Variants in SLC24A2 observed in about 807,000 individuals in gnomAD.
SLC24A2 encodes sodium/potassium/calcium exchanger 2.
A neutral mutation model predicts 62.0 loss-of-function variants in SLC24A2; 36 were observed. The observed-to-expected ratio is 0.58, with a 90% confidence interval of 0.44 to 0.77. The LOEUF is 0.77. Among genes scored for constraint, SLC24A2 ranks in the 30% least tolerant of loss-of-function variants. The probability of loss-of-function intolerance (pLI) is 0.00; values close to 1 mark genes in which losing one functional copy is unlikely to be tolerated. For synonymous variants in SLC24A2, 358 were observed against 294.0 expected (o/e 1.22, Z -2.23); for missense variants, 846 against 817.9 (o/e 1.03, Z -0.42).
chr9:20,101,670 C>A, the SLC24A2 span, among the ~76,000 whole-genome samples: 4 of 152,080 alleles, frequency 2.6e-5, no homozygotes, highest in African/African-American at 9.7e-5. Context: ...GAGACCTGAC[C>A]TTTCCCTTTG....
At chr9:19,560,879 T>TTG (rs779469797) in intron 7 of SLC24A2, among the ~76,000 whole-genome samples, 42,120 of 136,002 alleles carry the variant, frequency 0.31, 6,686 homozygotes, top group South Asian at 0.48. Flanking sequence ...GTCTTTGCAT[T>TTG]TGTGTGTGTG....
chr9:20,102,932 CCCTTTCCTAGTCAAAGAAAGGGGTGA>C, the SLC24A2 span, among the ~76,000 whole-genome samples: 23 of 152,286 alleles, frequency 1.5e-4, no homozygotes, highest in Middle Eastern at 3.4e-3. Flanking sequence ...TCAGGGAGTT[CCCTTTCCTAGTCAAAGAAAGGGGTGA>C]CAGACGGTAC....
chr9:20,126,848 G>A, the SLC24A2 span, among the ~76,000 whole-genome samples: 2 of 152,120 alleles, frequency 1.3e-5, no homozygotes, highest in Non-Finnish European at 2.9e-5. Flanking sequence ...CCAGAGGCAG[G>A]GAATTTTATT....
At chr9:20,172,785 A>G in the SLC24A2 span, among the ~76,000 whole-genome samples, 1 of 152,094 alleles carries the variant, frequency 6.6e-6, no homozygotes, top group Non-Finnish European at 1.5e-5. Context: ...AAGAATTGGT[A>G]CCAATCCTAT....
the SLC24A2 span, among the ~76,000 whole-genome samples, chr9:19,809,000 C>CT: frequency 1.3e-5 from 2 of 152,208 alleles, no homozygotes; most frequent in Non-Finnish European, 2.9e-5. This position sits in a 1 kb window ranked among gnomAD's most constrained non-coding sequence, Gnocchi z 4.1. Flanking sequence ...GGGCCCCAAT[C>CT]TCCAAAGATT....
At chr9:20,243,746 G>T in the SLC24A2 span, among the ~76,000 whole-genome samples, 2 of 152,106 alleles carry the variant, frequency 1.3e-5, no homozygotes, top group East Asian at 3.9e-4. Context: ...TGTGGTCAAT[G>T]GGGGTGATGC....
At chr9:19,592,803 G>A (rs1396101293) in intron 5 of SLC24A2, among the ~76,000 whole-genome samples, 3 of 152,176 alleles carry the variant, frequency 2.0e-5, no homozygotes, top group Non-Finnish European at 4.4e-5. Context: ...TGAGAAATAA[G>A]CTATGCATTA....
At chr9:19,608,172 G>T (rs1837044136) in intron 4 of SLC24A2, among the ~76,000 whole-genome samples, 1 of 152,112 alleles carries the variant, frequency 6.6e-6, no homozygotes, top group Non-Finnish European at 1.5e-5. Context: ...CAAACATCTT[G>T]GTAGTATAAG....
At chr9:19,590,544 C>A (rs896886590) in intron 5 of SLC24A2, among the ~76,000 whole-genome samples, 4 of 152,170 alleles carry the variant, frequency 2.6e-5, no homozygotes, top group Admixed American at 1.3e-4. Context: ...AATAACCACC[C>A]CTTCTACCCA....
the SLC24A2 span, among the ~76,000 whole-genome samples, chr9:20,096,521 C>G: frequency 6.6e-6 from 1 of 152,102 alleles, no homozygotes; most frequent in East Asian, 1.9e-4. Context: ...ATATTTTATA[C>G]ATCTCTCATT....
At chr9:20,093,442 GTC>G in the SLC24A2 span, among the ~76,000 whole-genome samples, 1 of 151,722 alleles carries the variant, frequency 6.6e-6, no homozygotes, top group African/African-American at 2.4e-5. Flanking sequence ...TTTTTTGTCT[GTC>G]TCTTTAAAAT....
chr9:19,998,009 T>C, the SLC24A2 span, among the ~76,000 whole-genome samples: 1 of 152,152 alleles, frequency 6.6e-6, no homozygotes, highest in Non-Finnish European at 1.5e-5. Context: ...AAAAAGCCAA[T>C]ACTATTAAGG....
intron 8 of SLC24A2, among the ~76,000 whole-genome samples, chr9:19,541,880 T>C (rs1275589804): frequency 4.6e-5 from 7 of 152,056 alleles, no homozygotes; most frequent in African/African-American, 1.2e-4. Flanking sequence ...TAGGACCCTC[T>C]GAGCCAGGTG....
At chr9:20,295,316 A>G in the SLC24A2 span, among the ~76,000 whole-genome samples, 3 of 152,206 alleles carry the variant, frequency 2.0e-5, no homozygotes, top group African/African-American at 7.2e-5. Flanking sequence ...ACAGAGCTGC[A>G]TCATATTAGT....
intron 2 of SLC24A2, among the ~76,000 whole-genome samples, chr9:19,690,734 T>C (rs1401891578): frequency 6.6e-6 from 1 of 152,130 alleles, no homozygotes; most frequent in East Asian, 1.9e-4. Context: ...TGAACACAAG[T>C]GATTCTGTAG....
chr9:19,678,298 T>C (rs1378635115), intron 2 of SLC24A2, among the ~76,000 whole-genome samples: 1 of 152,188 alleles, frequency 6.6e-6, no homozygotes, highest in African/African-American at 2.4e-5. Context: ...CACAGAACCT[T>C]CTCCTACATC....
the SLC24A2 span, among the ~76,000 whole-genome samples, chr9:20,102,324 G>C: frequency 1.3e-5 from 2 of 152,200 alleles, no homozygotes; most frequent in East Asian, 1.9e-4. Context: ...AAAAAAGTAA[G>C]AGATCATGTC....
At chr9:19,547,201 T>C (rs187091635) in intron 8 of SLC24A2, among the ~76,000 whole-genome samples, 3 of 151,528 alleles carry the variant, frequency 2.0e-5, no homozygotes, top group African/African-American at 7.3e-5. Context: ...TTCCTAAGAG[T>C]CTTATTTCTG....
chr9:20,019,779 C>A, the SLC24A2 span, among the ~76,000 whole-genome samples: 2 of 151,426 alleles, frequency 1.3e-5, no homozygotes, highest in Non-Finnish European at 2.9e-5. Flanking sequence ...TCAGAGTGAA[C>A]AGGCAACCTA....
Sources: allele counts gnomAD v4.1 joint callset (sites outside exome capture counted in the v4.1 genomes callset), GRCh38; gene constraint gnomAD v4.1.1; non-coding constraint Gnocchi (gnomAD v3.1); transcripts MANE v1.5; gene names NCBI Gene and HGNC (gene_info 2026-07-23, HGNC 2026-07-21).